Variants in PDZRN4 observed in about 807,000 individuals in gnomAD.
PDZRN4 encodes the protein PDZ domain-containing RING finger protein 4.
A neutral mutation model predicts 99.0 loss-of-function variants in PDZRN4; 70 were observed. That is an observed-to-expected ratio of 0.71 (90% CI 0.58 to 0.86). PDZRN4 has a LOEUF of 0.86. PDZRN4 is among the 40% of genes least tolerant of loss of function. The pLI is 0.00. For synonymous variants in PDZRN4, 551 were observed against 501.6 expected (o/e 1.10, Z -1.32); for missense variants, 1,474 against 1,331.2 (o/e 1.11, Z -1.67).
chr12:41,505,827 C>T (rs888039450), intron 3 of PDZRN4, among the ~76,000 whole-genome samples: 3 of 149,410 alleles, frequency 2.0e-5, no homozygotes, highest in East Asian at 2.6e-4. Context: ...AATATAAAGC[C>T]GGAATCTTGT....
chr12:41,548,197 C>T (rs184733260), intron 5 of PDZRN4, among the ~76,000 whole-genome samples: 6 of 152,202 alleles, frequency 3.9e-5, no homozygotes, highest in African/African-American at 7.2e-5. Flanking sequence ...CCAGGAGTTT[C>T]GTGATTTATT....
chr12:41,538,474 C>T (rs946485008), intron 5 of PDZRN4, among the ~76,000 whole-genome samples: 1 of 152,088 alleles, frequency 6.6e-6, no homozygotes, highest in Non-Finnish European at 1.5e-5. Flanking sequence ...CTGATATACT[C>T]GGGTTAATTT....
chr12:41,238,671 T>C (rs1951083456), intron 3 of PDZRN4, among the ~76,000 whole-genome samples: 1 of 150,962 alleles, frequency 6.6e-6, no homozygotes, highest in African/African-American at 2.4e-5. Context: ...AAAACCACAA[T>C]GAGATACCAT....
chr12:41,439,257 TA>T (rs1358428122), intron 3 of PDZRN4, among the ~76,000 whole-genome samples: 2 of 152,186 alleles, frequency 1.3e-5, no homozygotes, highest in Non-Finnish European at 2.9e-5. Flanking sequence ...CTTCATTTTT[TA>T]ATACAAACTT....
chr12:41,368,156 T>C (rs1190739336), intron 3 of PDZRN4, among the ~76,000 whole-genome samples: 1 of 152,082 alleles, frequency 6.6e-6, no homozygotes, highest in African/African-American at 2.4e-5. Flanking sequence ...TTCCTCACCA[T>C]TTGCCTGCCT....
intron 3 of PDZRN4, among the ~76,000 whole-genome samples, chr12:41,385,946 A>C (rs992616360): frequency 7.9e-5 from 12 of 152,200 alleles, no homozygotes; most frequent in African/African-American, 2.9e-4. Context: ...ATCGAGCTGC[A>C]CACCAAAAAG....
intron 3 of PDZRN4, among the ~76,000 whole-genome samples, chr12:41,239,310 G>T (rs1951088683): frequency 6.6e-6 from 1 of 152,110 alleles, no homozygotes; most frequent in Admixed American, 6.6e-5. Flanking sequence ...ACTGGGGCCT[G>T]TTGGGTGGAG....
rs191885640 is a variant in PDZRN4 at position 41,518,493 on chromosome 12, T to C, written c.1203+8580T>C. Reference sequence around the variant, plus strand: ...TAACTGCTTTATGCATAAGTCTTTGTCTGCATTTCAGAGTTATCTCCCTGA... The same window carrying C: ...TAACTGCTTTATGCATAAGTCTTTGCCTGCATTTCAGAGTTATCTCCCTGA... On this transcript the variant is annotated intron_variant, in intron 5 of 9. Transcript: ENST00000402685. Among the ~76,000 whole-genome samples the C allele has an allele frequency of 2.0e-5, 3 of 152,216 alleles. No homozygotes were observed. The East Asian group carries it at 5.8e-4, about 29-fold the overall frequency.
intron 3 of PDZRN4, among the ~76,000 whole-genome samples, chr12:41,309,713 A>G (rs1951594164): frequency 6.6e-6 from 1 of 152,146 alleles, no homozygotes; most frequent in Admixed American, 6.6e-5. Context: ...AAAAAGTTAA[A>G]CGATCCAATA....
chr12:41,403,090 T>C (rs73274484), intron 3 of PDZRN4, among the ~76,000 whole-genome samples: 15,514 of 152,084 alleles, frequency 0.1, 2,068 homozygotes, highest in African/African-American at 0.29. Context: ...TAATGGAGTG[T>C]CTTCCTCCTG....
chr12:41,347,520 G>T (rs10735992), intron 3 of PDZRN4, among the ~76,000 whole-genome samples: 15 of 152,202 alleles, frequency 9.9e-5, no homozygotes, highest in Admixed American at 2.6e-4. Context: ...GACATGTAAG[G>T]GTTCTTTAGA....
intron 3 of PDZRN4, among the ~76,000 whole-genome samples, chr12:41,197,918 G>GTTTTTTTTTTGTTT (rs1491129322): frequency 8.7e-6 from 1 of 114,574 alleles, no homozygotes; most frequent in Non-Finnish European, 1.7e-5. Context: ...TGTTTTTTCT[G>GTTTTTTTTTTGTTT]GGTTTTTTTT....
intron 3 of PDZRN4, among the ~76,000 whole-genome samples, chr12:41,205,232 A>G (rs1950840772): frequency 6.6e-6 from 1 of 152,054 alleles, no homozygotes; most frequent in East Asian, 1.9e-4. Flanking sequence ...TAGATTAGTA[A>G]CAAACTGTTC....
At chr12:41,250,133 T>G (rs201327782) in intron 3 of PDZRN4, among the ~76,000 whole-genome samples, 7 of 152,184 alleles carry the variant, frequency 4.6e-5, no homozygotes, top group Non-Finnish European at 1.0e-4. Flanking sequence ...TCATTGTAAA[T>G]GCATTACAAA....
At position 41,440,338 on chromosome 12, in the gene PDZRN4, TATG is replaced by T. The variant is rs558497248; in HGVS notation, c.844-66115_844-66113del. On this transcript the variant is annotated intron_variant, in intron 3 of 9. Coordinates refer to ENST00000402685, the MANE Select transcript of PDZRN4 (RefSeq NM_001164595.2). ...TAAGATTAGCAGCGATCACGAAACA[TATG>T]ATCAACAGGAAAAATGTTTAATTCT... Among the ~76,000 whole-genome samples the T allele has an allele frequency of 7.5e-4, 114 of 152,244 alleles. 1 individual carries two copies. The highest frequency in any genetic ancestry group is 2.5e-3 in the African/African-American group (104 of 41,552).
chr12:41,509,830 A>G lies in PDZRN4; in HGVS notation c.1120A>G (p.Met374Val), dbSNP rs770929483. The part of the protein sequence containing the change: ...LSDSCHSLHP[M>V]EHEFYEDNEY... ...CCATAGCTGCCATTCTCTACATCCA[A>G]TGGAGCATGAATTTTATGAGGACAA... Residue 374 changes from methionine (M) to valine (V), a missense_variant, in exon 5 of 10, where the codon ATG (methionine) becomes GTG (valine). Physicochemically the swap from Met to Val is conservative, Grantham distance 21. Coordinates refer to ENST00000402685, the MANE Select transcript of PDZRN4 (RefSeq NM_001164595.2). 5.1e-6 allele frequency: 8 copies of G among 1,583,792 alleles called. No homozygotes were observed. The Admixed American group carries it at 8.5e-5, about 17-fold the overall frequency.
chr12:41,248,915 T>C (rs1009806580), intron 3 of PDZRN4, among the ~76,000 whole-genome samples: 1 of 152,300 alleles, frequency 6.6e-6, no homozygotes, highest in South Asian at 2.1e-4. Context: ...TACAAAGTAA[T>C]ATTTGTTTGG....
chr12:41,196,954 A>G (rs1261205881), intron 3 of PDZRN4, among the ~76,000 whole-genome samples: 1 of 152,096 alleles, frequency 6.6e-6, no homozygotes, highest in Non-Finnish European at 1.5e-5. Context: ...TAACAGTGTA[A>G]AGGGTACAAA....
intron 3 of PDZRN4, among the ~76,000 whole-genome samples, chr12:41,214,232 A>G (rs1417944387): frequency 2.0e-5 from 3 of 146,988 alleles, no homozygotes; most frequent in Non-Finnish European, 3.0e-5. Context: ...CACCTGAGCA[A>G]CATAGTGAGA....
Sources: gnomAD v4.1 joint callset for allele counts (sites outside exome capture counted in the v4.1 genomes callset) on GRCh38, gnomAD v4.1.1 for gene constraint, MANE v1.5 for transcripts, NCBI Gene and HGNC (gene_info 2026-07-23, HGNC 2026-07-21) for gene names.